HPGD: variants seen among roughly 807,000 people sequenced by gnomAD.
The protein encoded by HPGD is 15-hydroxyprostaglandin dehydrogenase.
Under a neutral mutation model 30.0 loss-of-function variants are expected in HPGD, and 29 were observed. The ratio of observed to expected loss-of-function variants is 0.97; its 90% CI spans 0.72 to 1.32. The LOEUF (loss-of-function observed/expected upper bound fraction) is 1.32. Among genes scored for constraint, HPGD ranks in the 40% most tolerant of loss-of-function variants. HPGD has a pLI of 0.00. For synonymous variants in HPGD, 99 were observed against 112.4 expected (o/e 0.88, Z 0.75); for missense variants, 340 against 322.1 (o/e 1.06, Z -0.43).
intron 3 of HPGD, among the ~76,000 whole-genome samples, chr4:174,509,930 A>G (rs1014612993): frequency 6.6e-6 from 1 of 152,146 alleles, no homozygotes; most frequent in African/African-American, 2.4e-5. Context: ...AAAGAAAAAA[A>G]AAAACCTGTG....
At chr4:174,498,278 A>T (rs966564108) in intron 4 of HPGD, among the ~76,000 whole-genome samples, 4 of 152,010 alleles carry the variant, frequency 2.6e-5, no homozygotes, top group Non-Finnish European at 5.9e-5. Flanking sequence ...GAAAACCTAC[A>T]CAAATCAATT....
intron 4 of HPGD, among the ~76,000 whole-genome samples, chr4:174,505,904 A>G (rs922618963): frequency 5.3e-5 from 8 of 152,208 alleles, no homozygotes; most frequent in Admixed American, 2.6e-4. Context: ...GGAAAATCAG[A>G]GGGAGAAGCA....
At chr4:174,516,552 G>A (rs112442560) in intron 3 of HPGD, among the ~76,000 whole-genome samples, 53 of 152,196 alleles carry the variant, frequency 3.5e-4, no homozygotes, top group Non-Finnish European at 7.1e-4. Context: ...CACTATCTGG[G>A]TGATGAAATC....
intron 3 of HPGD, among the ~76,000 whole-genome samples, chr4:174,510,652 T>C (rs2110841852): frequency 6.6e-6 from 1 of 152,338 alleles, no homozygotes; most frequent in East Asian, 1.9e-4. Context: ...TTCTCATCCA[T>C]TATCAGGTTA....
chr4:174,498,052 A>C (rs978122387), intron 4 of HPGD, among the ~76,000 whole-genome samples: 1 of 151,800 alleles, frequency 6.6e-6, no homozygotes, highest in Admixed American at 6.6e-5. Flanking sequence ...TGGCTCAAGC[A>C]ATCCTCCCAT....
chr4:174,518,156 G>T (rs1050946318), intron 2 of HPGD, 79 bp from the exon 3 acceptor site: 17 of 736,464 alleles, frequency 2.3e-5, no homozygotes, highest in Non-Finnish European at 3.6e-5. Context: ...GCCATGAGAG[G>T]AATTTCAGTT....
rs145014353 is a variant in HPGD at position 174,493,203 on chromosome 4, T to C, written c.610A>G (p.Ile204Val). Residue 204 changes from isoleucine (I) to valine (V), a missense_variant, in exon 6 of 7, where the codon ATA becomes GTA. Coordinates refer to ENST00000296522, the MANE Select transcript of HPGD (RefSeq NM_000860.6). Reference sequence around the variant, plus strand: ...TCCTTGATATGATCCTTATATTCTATATATTGTCCCATGTTTTCTTCTTTT... The same window carrying C: ...TCCTTGATATGATCCTTATATTCTACATATTGTCCCATGTTTTCTTCTTTT... Reference protein sequence around the residue: ...IEKEENMGQYIEYKDHIKDMI... With the variant: ...IEKEENMGQYVEYKDHIKDMI... 7.5e-6 allele frequency: 12 copies of C among 1,608,204 alleles called. No individual in the cohort carries two copies. Among genetic ancestry groups the C allele is most frequent in the African/African-American group, 4.0e-5 (3 of 74,808 alleles).
Position 174,493,209 on chromosome 4 carries a change from G to C in HPGD, c.604C>G (p.Gln202Glu), listed in dbSNP as rs759554641. 1 of 1,608,548 alleles carries C rather than the reference G, an allele frequency of 6.2e-7. No individual in the cohort carries two copies. Among genetic ancestry groups the C allele is most frequent in the South Asian group, 1.1e-5 (1 of 90,918 alleles). Residue 202 changes from glutamine to glutamate, a missense_variant, in exon 6 of 7, where the codon CAA (glutamine) becomes GAA (glutamate). Gln to Glu is a conservative substitution (Grantham distance 29). Coordinates refer to ENST00000296522, the MANE Select transcript of HPGD (RefSeq NM_000860.6). ...ESIEKEENMG[Q>E]YIEYKDHIKD... is the part of the protein sequence containing the mutation. Reference sequence around the variant, plus strand: ...ATATGATCCTTATATTCTATATATTGTCCCATGTTTTCTTCTTTTTCAATT... The same window carrying C: ...ATATGATCCTTATATTCTATATATTCTCCCATGTTTTCTTCTTTTTCAATT...
In HPGD at chr4:174,504,926, GTTC is replaced by G. The variant is rs1301678429; in HGVS notation, c.421+3767_421+3769del. On this transcript the variant is annotated intron_variant, in intron 4 of 6. Coordinates refer to ENST00000296522, the MANE Select transcript of HPGD (RefSeq NM_000860.6). ...GATTATCTGCATTAAACCAGACTTC[GTTC>G]TTCTATTGTTCCTTCCAACTTTGTT... Among the ~76,000 whole-genome samples, 14 of 152,282 alleles carry G rather than the reference GTTC, an allele frequency of 9.2e-5. No individual in the cohort carries two copies. The East Asian group carries it at 2.5e-3, about 27-fold the overall frequency.
chr4:174,513,767 A>G (rs1215133253), intron 3 of HPGD, among the ~76,000 whole-genome samples: 1 of 152,018 alleles, frequency 6.6e-6, no homozygotes, highest in Non-Finnish European at 1.5e-5. Flanking sequence ...AAAGAAAATG[A>G]TAGGGTACTA....
At chr4:174,499,484 G>A (rs1734799295) in intron 4 of HPGD, among the ~76,000 whole-genome samples, 1 of 151,994 alleles carries the variant, frequency 6.6e-6, no homozygotes, top group Non-Finnish European at 1.5e-5. Context: ...TTTTTCTCCA[G>A]CTACCACCTT....
At chr4:174,501,326 T>C (rs532079408) in intron 4 of HPGD, among the ~76,000 whole-genome samples, 71 of 152,192 alleles carry the variant, frequency 4.7e-4, no homozygotes, top group African/African-American at 1.7e-3. Flanking sequence ...ATTAAGGGAT[T>C]TAAGAATAGC....
chr4:174,499,593 C>T (rs1734804951), intron 4 of HPGD, among the ~76,000 whole-genome samples: 1 of 152,188 alleles, frequency 6.6e-6, no homozygotes, highest in Non-Finnish European at 1.5e-5. Flanking sequence ...TCATTCCCAT[C>T]AGGCTTTCAT....
intron 2 of HPGD, among the ~76,000 whole-genome samples, chr4:174,518,802 T>C (rs1735925202): frequency 6.6e-6 from 1 of 152,232 alleles, no homozygotes; most frequent in Admixed American, 6.5e-5. Flanking sequence ...TTCATTACAC[T>C]GTCCAATCAC....
rs767898372 is a variant in HPGD, at chr4:174,518,094, A to G, written c.218-17T>C. ...TAAAAGTGTCTAATTATAAAACAAG[A>G]TATTAGTGATACATTCTTATTTTCC... On this transcript the variant is annotated splice_polypyrimidine_tract_variant and intron_variant, in intron 2 of 6. Transcript: ENST00000296522. 3.6e-6 allele frequency: 4 copies of G among 1,123,530 alleles called. No individual in the cohort carries two copies. Among genetic ancestry groups the G allele is most frequent in the Admixed American group, 3.4e-5 (2 of 58,482 alleles). The allele number at this position is 1,123,530 out of a possible 1,614,324, so 69.6% of individuals were successfully genotyped here. A position where few individuals can be genotyped will look rare whatever the true frequency, so the allele number is the denominator to read the frequency against.
intron 4 of HPGD, chr4:174,507,033 T>C (rs970316438): frequency 6.6e-6 from 1 of 152,190 alleles, no homozygotes; most frequent in African/African-American, 2.4e-5. Context: ...ATACTAAATA[T>C]CTCTTTTTAA....
chr4:174,503,574 T>A (rs1023308688), intron 4 of HPGD, among the ~76,000 whole-genome samples: 5 of 152,170 alleles, frequency 3.3e-5, no homozygotes, highest in African/African-American at 1.2e-4. Context: ...GGTGGTGCCA[T>A]GCGATTTTCT....
chr4:174,521,904 G>C (rs771702444), intron 2 of HPGD, 40 bp downstream of exon 2: 27 of 1,612,998 alleles, frequency 1.7e-5, no homozygotes, highest in African/African-American at 1.1e-4. Context: ...TGCTTGTTGA[G>C]AGCACGTTCC....
At chr4:174,503,987 G>A (rs904914233) in intron 4 of HPGD, among the ~76,000 whole-genome samples, 7 of 152,086 alleles carry the variant, frequency 4.6e-5, no homozygotes, top group African/African-American at 1.7e-4. Flanking sequence ...GCCTCCCAAA[G>A]CATTGTGATT....
Sources: allele counts gnomAD v4.1 joint callset (sites outside exome capture counted in the v4.1 genomes callset), GRCh38; gene constraint gnomAD v4.1.1; transcripts MANE v1.5; gene names NCBI Gene and HGNC (gene_info 2026-07-23, HGNC 2026-07-21).